Variants in ROBO2 observed in about 807,000 individuals in gnomAD.
ROBO2 encodes the protein roundabout homolog 2.
ROBO2 carries 53 observed loss-of-function variants against 160.8 expected under a neutral mutation model. That is an observed-to-expected ratio of 0.33 (90% confidence interval 0.26 to 0.41). The LOEUF is 0.41. ROBO2 is among the 10% of genes least tolerant of loss of function. The probability of loss-of-function intolerance (pLI) is 1.00; values close to 1 mark genes in which losing one functional copy is unlikely to be tolerated. For synonymous variants in ROBO2, 664 were observed against 611.7 expected (o/e 1.09, Z -1.26); for missense variants, 1,577 against 1,722.4 (o/e 0.92, Z 1.49).
intron 2 of ROBO2, among the ~76,000 whole-genome samples, chr3:77,396,324 T>G (rs2075282623): frequency 6.6e-6 from 1 of 152,144 alleles, no homozygotes; most frequent in South Asian, 2.1e-4. Flanking sequence ...ACACTTCAAA[T>G]AAATTTATTT....
In ROBO2 at chr3:76,009,881, CTTGAG is replaced by C. The variant is rs1018298810; in HGVS notation, c.109+72282_109+72286del. 3.9e-5 allele frequency among the ~76,000 whole-genome samples: 6 copies of C among 152,206 alleles called. No homozygotes were observed. The East Asian group carries it at 1.2e-3, about 29-fold the overall frequency. The stretch of plus-strand genomic sequence containing the variant: ...TCAATTAGATAAATTATTTTTTTCA[CTTGAG>C]TTATTTGTTGAAAATTGGTAAACTT... On this transcript the variant is annotated intron_variant, in intron 2 of 26. Transcript: ENST00000487694.
chr3:76,345,544 T>C (rs1406079052), intron 2 of ROBO2, among the ~76,000 whole-genome samples: 1 of 151,814 alleles, frequency 6.6e-6, no homozygotes, highest in Admixed American at 6.6e-5. Context: ...GAAATTTTCC[T>C]TGGGTTCCCT....
At chr3:76,615,637 T>C (rs1349653675) in intron 2 of ROBO2, among the ~76,000 whole-genome samples, 3 of 152,178 alleles carry the variant, frequency 2.0e-5, no homozygotes, top group South Asian at 2.1e-4. Context: ...TTTTGGAATA[T>C]GTGGAATTCA....
intron 2 of ROBO2, among the ~76,000 whole-genome samples, chr3:76,341,222 C>G (rs1204039383): frequency 6.6e-6 from 1 of 150,680 alleles, no homozygotes; most frequent in Non-Finnish European, 1.5e-5. Flanking sequence ...AACTTCAAAT[C>G]TCAGAGACTT....
At chr3:76,896,352 CTCT>C in intron 2 of ROBO2, among the ~76,000 whole-genome samples, 1 of 152,198 alleles carries the variant, frequency 6.6e-6, no homozygotes, top group Non-Finnish European at 1.5e-5. Context: ...AATCTTTGAG[CTCT>C]TCATTTTATG....
intron 2 of ROBO2, among the ~76,000 whole-genome samples, chr3:76,928,916 T>G (rs1309179887): frequency 6.6e-6 from 1 of 152,176 alleles, no homozygotes; most frequent in African/African-American, 2.4e-5. Context: ...TCCCCTCAAC[T>G]GCCCGTGGGT....
chr3:76,321,780 G>A (rs1280009441), intron 2 of ROBO2, among the ~76,000 whole-genome samples: 1 of 152,094 alleles, frequency 6.6e-6, no homozygotes, highest in Admixed American at 6.6e-5. Flanking sequence ...AAAATAAAAG[G>A]CCGTTGTAAG....
intron 2 of ROBO2, among the ~76,000 whole-genome samples, chr3:76,137,738 C>T (rs1323299053): frequency 6.6e-6 from 1 of 151,856 alleles, no homozygotes; most frequent in African/African-American, 2.4e-5. Context: ...GGCTGCCTCA[C>T]TCCTTGACTC....
At chr3:76,572,528 A>G (rs2108615117) in intron 2 of ROBO2, among the ~76,000 whole-genome samples, 1 of 152,318 alleles carries the variant, frequency 6.6e-6, no homozygotes, top group South Asian at 2.1e-4. Flanking sequence ...TTACTTGAAC[A>G]GTGTGCTCAA....
At chr3:76,355,116 A>G (rs986274489) in intron 2 of ROBO2, among the ~76,000 whole-genome samples, 2 of 151,362 alleles carry the variant, frequency 1.3e-5, no homozygotes, top group East Asian at 3.9e-4. Context: ...TTCACTCCTT[A>G]GGTAAGAAGC....
chr3:77,361,249 G>A lies in ROBO2; in HGVS notation c.389-116165G>A, dbSNP rs574360274. Among the ~76,000 whole-genome samples the A allele has an allele frequency of 2.0e-4, 30 of 152,132 alleles. 1 individual carries two copies. In the South Asian group the frequency reaches 3.1e-3, roughly 16 times the overall value. On this transcript the variant is annotated intron_variant, in intron 2 of 25. Transcript: ENST00000461745. ...TTTGAATTTCAGATAAGAGCAAATC[G>A]TTTTGTTTTGTTTTCAGACATACTT...
chr3:77,184,794 G>A (rs2081130356), intron 2 of ROBO2, among the ~76,000 whole-genome samples: 1 of 151,968 alleles, frequency 6.6e-6, no homozygotes, highest in Non-Finnish European at 1.5e-5. Context: ...GGTTTCACAT[G>A]AAAATGTGCT....
chr3:76,192,236 A>C (rs931989010), intron 2 of ROBO2, among the ~76,000 whole-genome samples: 1 of 149,994 alleles, frequency 6.7e-6, no homozygotes, highest in Non-Finnish European at 1.5e-5. Flanking sequence ...ATTGGCTTAC[A>C]AATCCTGCCA....
intron 2 of ROBO2, among the ~76,000 whole-genome samples, chr3:77,250,093 T>C (rs2090173586): frequency 6.6e-6 from 1 of 152,208 alleles, no homozygotes; most frequent in African/African-American, 2.4e-5. Flanking sequence ...ATAAGATTAC[T>C]TTAAAACCTC....
chr3:76,068,003 A>G (rs2068316041), intron 2 of ROBO2, among the ~76,000 whole-genome samples: 1 of 152,154 alleles, frequency 6.6e-6, no homozygotes, highest in Non-Finnish European at 1.5e-5. Context: ...AATATTTAAA[A>G]CTCTTAATAT....
intron 2 of ROBO2, among the ~76,000 whole-genome samples, chr3:77,356,825 G>A (rs991907972): frequency 6.6e-6 from 1 of 152,040 alleles, no homozygotes; most frequent in African/African-American, 2.4e-5. Context: ...TTAATGTTTG[G>A]TGATCTAGAT....
At chr3:77,446,801 G>GA (rs548974485) in intron 2 of ROBO2, among the ~76,000 whole-genome samples, 1 of 151,962 alleles carries the variant, frequency 6.6e-6, no homozygotes, top group East Asian at 1.9e-4. Flanking sequence ...GGAAAGAACA[G>GA]AAAAAAAATC....
intron 2 of ROBO2, among the ~76,000 whole-genome samples, chr3:76,278,103 G>A (rs998566655): frequency 1.3e-5 from 2 of 151,766 alleles, no homozygotes; most frequent in Non-Finnish European, 2.9e-5. Context: ...TCTAATTAAT[G>A]ATAAAGTTAA....
intron 2 of ROBO2, among the ~76,000 whole-genome samples, chr3:76,564,099 G>C (rs1032846668): frequency 4.6e-5 from 7 of 152,152 alleles, no homozygotes; most frequent in Non-Finnish European, 8.8e-5. Context: ...CCAGCTACTT[G>C]GAAGGCTGAG....
Sources: allele counts gnomAD v4.1 joint callset (sites outside exome capture counted in the v4.1 genomes callset), GRCh38; gene constraint gnomAD v4.1.1; transcripts MANE v1.5; gene names NCBI Gene and HGNC (gene_info 2026-07-23, HGNC 2026-07-21).